TXNL1: variants seen among roughly 807,000 people sequenced by gnomAD.
TXNL1 encodes the protein thioredoxin like 1.
In TXNL1, 14 loss-of-function variants were observed where a neutral mutation model predicts 35.5. The observed-to-expected ratio is 0.39, with a 90% CI of 0.26 to 0.62. The LOEUF is 0.62. Among genes scored for constraint, TXNL1 ranks in the 20% least tolerant of loss-of-function variants. TXNL1 has a pLI of 0.47. For missense variants in TXNL1, 263 were observed against 349.7 expected (o/e 0.75, Z 1.98); for synonymous variants, 110 against 115.5 (o/e 0.95, Z 0.31).
intron 3 of TXNL1, among the ~76,000 whole-genome samples, chr18:56,623,476 A>T (rs2024224959): frequency 2.0e-5 from 3 of 151,802 alleles, no homozygotes; most frequent in Non-Finnish European, 4.4e-5. Context: ...AACTTTTTTT[A>T]AAATTCATTC....
chr18:56,606,517 G>T (rs1472502180), intron 7 of TXNL1, among the ~76,000 whole-genome samples: 1 of 152,150 alleles, frequency 6.6e-6, no homozygotes, highest in African/African-American at 2.4e-5. Context: ...TCATGTCCAG[G>T]TCCCTACTTT....
chr18:56,633,719 C>CT (rs1344801628), intron 1 of TXNL1, among the ~76,000 whole-genome samples: 1 of 151,564 alleles, frequency 6.6e-6, no homozygotes, highest in Non-Finnish European at 1.5e-5. Flanking sequence ...GGTGTGGTGG[C>CT]TCACACCTGT....
intron 1 of TXNL1, among the ~76,000 whole-genome samples, chr18:56,635,307 T>C (rs950553743): frequency 6.6e-6 from 1 of 152,026 alleles, no homozygotes; most frequent in African/African-American, 2.4e-5. Context: ...GATCCCCGCA[T>C]AGCAATGTCC....
chr18:56,609,155 G>C, intron 7 of TXNL1: 1 of 151,616 alleles, frequency 6.6e-6, no homozygotes. Context: ...AGTTCTTTTT[G>C]GCCTTCAATA....
chr18:56,614,352 T>G (rs1005821667), intron 6 of TXNL1, 72 bp downstream of exon 6: 67 of 1,357,392 alleles, frequency 4.9e-5, no homozygotes, highest in Admixed American at 2.0e-4. Flanking sequence ...TCACTTAGAC[T>G]TACCTAGGAT....
At chr18:56,614,338 A>G in intron 6 of TXNL1, 86 bp downstream of exon 6, 3 of 1,201,404 alleles carry the variant, frequency 2.5e-6, no homozygotes, top group Non-Finnish European at 3.5e-6. Context: ...ACCACTTTAA[A>G]GAATCACTTA....
chr18:56,607,724 C>T (rs976093642), intron 7 of TXNL1, among the ~76,000 whole-genome samples: 11 of 152,014 alleles, frequency 7.2e-5, no homozygotes, highest in African/African-American at 2.7e-4. Flanking sequence ...GGTATGGTGG[C>T]AGGCGCCTGT....
intron 3 of TXNL1, among the ~76,000 whole-genome samples, chr18:56,623,985 A>T (rs2024234592): frequency 6.6e-6 from 1 of 152,210 alleles, no homozygotes. Context: ...CTGGAAAAAA[A>T]AGTATAAAGC....
At position 56,600,507 on chromosome 18, in the gene TXNL1, A is replaced by G. The variant is rs2023798369; in HGVS notation, c.*2520T>C. ...TCTAATTGTTACGTGGCTGCCTCCA[A>G]CAGAATATTGAGACTGGGGAACAAC... is the stretch of plus-strand genomic sequence containing the variant. On this transcript the variant is annotated 3_prime_UTR_variant, in exon 8 of 8. Coordinates refer to ENST00000217515, the MANE Select transcript of TXNL1 (RefSeq NM_004786.3). The G allele has an allele frequency of 6.6e-6, 1 of 151,482 alleles. No homozygotes were observed. Among genetic ancestry groups the G allele is most frequent in the Non-Finnish European group, 1.5e-5 (1 of 68,006 alleles). 9.4% of individuals were successfully genotyped at this position (151,482 alleles called of 1,614,324 possible).
At chr18:56,615,560 AAT>A (rs2024073038) in intron 5 of TXNL1, among the ~76,000 whole-genome samples, 1 of 152,076 alleles carries the variant, frequency 6.6e-6, no homozygotes, top group Non-Finnish European at 1.5e-5. Context: ...GATATAAAAA[AAT>A]GATACTATTA....
At chr18:56,628,292 GA>G (rs1334331299) in intron 1 of TXNL1, among the ~76,000 whole-genome samples, 1 of 152,064 alleles carries the variant, frequency 6.6e-6, no homozygotes, top group African/African-American at 2.4e-5. Context: ...AACCATTTTG[GA>G]GGGAAAAAAA....
At chr18:56,632,393 T>A (rs183819310) in intron 1 of TXNL1, among the ~76,000 whole-genome samples, 1 of 152,318 alleles carries the variant, frequency 6.6e-6, no homozygotes. Context: ...ATTAATTACA[T>A]AAAACAGCTA....
chr18:56,614,704 A>C (rs1166834778), intron 5 of TXNL1, 108 bp from the exon 6 acceptor site: 1 of 822,690 alleles, frequency 1.2e-6, no homozygotes, highest in Non-Finnish European at 1.8e-6. Flanking sequence ...CAATACACAT[A>C]TACTTCAAAT....
chr18:56,618,914 G>T (rs2024134000), intron 3 of TXNL1, among the ~76,000 whole-genome samples: 1 of 151,838 alleles, frequency 6.6e-6, no homozygotes, highest in Non-Finnish European at 1.5e-5. Context: ...CAATAATAGA[G>T]ATAAAAAGAA....
intron 6 of TXNL1, among the ~76,000 whole-genome samples, chr18:56,613,743 C>G (rs1036176192): frequency 6.6e-6 from 1 of 152,172 alleles, no homozygotes; most frequent in Non-Finnish European, 1.5e-5. Context: ...CCCAGTAGAT[C>G]AGGGCTATAC....
chr18:56,607,358 A>G (rs563122072), intron 7 of TXNL1, among the ~76,000 whole-genome samples: 2 of 150,148 alleles, frequency 1.3e-5, no homozygotes, highest in African/African-American at 4.9e-5. Flanking sequence ...GAGTCTTACT[A>G]TGTTTGCCAG....
At chr18:56,629,271 T>C (rs1161411369) in intron 1 of TXNL1, among the ~76,000 whole-genome samples, 1 of 152,232 alleles carries the variant, frequency 6.6e-6, no homozygotes, top group Non-Finnish European at 1.5e-5. Context: ...CTCACGCCTA[T>C]AATCCCAGCA....
rs1281439342 is a variant in TXNL1 at position 56,600,865 on chromosome 18, C to CT, written c.*2161dup. ...AAAGACTTCCTACTGCAATACCTGA[C>CT]TTTCGTTTCTATTATGAACACGATA... On this transcript the variant is annotated 3_prime_UTR_variant, in exon 8 of 8. Transcript: ENST00000217515. 6.6e-6 allele frequency: 1 copy of CT among 152,218 alleles called. No homozygotes were observed. Among genetic ancestry groups the CT allele is most frequent in the East Asian group, 1.9e-4 (1 of 5,200 alleles). The allele number at this position is 152,218 out of a possible 1,614,324, so 9.4% of individuals were successfully genotyped here. A position where few individuals can be genotyped will look rare whatever the true frequency, so the allele number is the denominator to read the frequency against.
At chr18:56,615,156 T>C (rs1018347441) in intron 5 of TXNL1, among the ~76,000 whole-genome samples, 1 of 152,132 alleles carries the variant, frequency 6.6e-6, no homozygotes, top group Admixed American at 6.5e-5. Flanking sequence ...TAAAGTCCCA[T>C]GTATAGAATG....
Sources: allele counts gnomAD v4.1 joint callset (sites outside exome capture counted in the v4.1 genomes callset), GRCh38; gene constraint gnomAD v4.1.1; transcripts MANE v1.5; gene names NCBI Gene and HGNC (gene_info 2026-07-23, HGNC 2026-07-21).